The following TRAPPC9 variants were observed in gnomAD, a reference collection of about 807,000 sequenced individuals.
TRAPPC9 encodes IKK2 binding protein.
TRAPPC9 carries 83 observed loss-of-function variants against 124.0 expected under a neutral mutation model. That is an observed-to-expected ratio of 0.67 (90% CI 0.56 to 0.80). The LOEUF (loss-of-function observed/expected upper bound fraction) is 0.80, where lower values mean the gene tolerates loss of function less well. TRAPPC9 is among the 30% of genes least tolerant of loss of function. The pLI is 0.00. For missense variants in TRAPPC9, 1,302 were observed against 1,508.3 expected, an observed-to-expected ratio of 0.86 and a Z score of 2.27; for synonymous variants, 638 against 617.5, an observed-to-expected ratio of 1.03 and a Z score of -0.49.
At chr8:140,085,581 G>A (rs991929082) in intron 17 of TRAPPC9, among the ~76,000 whole-genome samples, 42 of 152,330 alleles carry the variant, frequency 2.8e-4, no homozygotes, top group Middle Eastern at 3.4e-3. Flanking sequence ...CACTGAAGCC[G>A]ACGTGCTGGA....
intron 21 of TRAPPC9, among the ~76,000 whole-genome samples, chr8:139,877,758 G>A (rs991150489): frequency 3.3e-5 from 5 of 152,182 alleles, no homozygotes; most frequent in Admixed American, 6.5e-5. Context: ...GGAACATGAG[G>A]AACATGCTCT....
At chr8:139,798,437 G>C (rs1045399478) in intron 21 of TRAPPC9, among the ~76,000 whole-genome samples, 1 of 152,220 alleles carries the variant, frequency 6.6e-6, no homozygotes, top group Non-Finnish European at 1.5e-5. Flanking sequence ...TGGAGATACT[G>C]GGGACATTGA....
Position 140,281,951 on chromosome 8 carries a change from C to T in TRAPPC9, c.2114+1938G>A, listed in dbSNP as rs12548846. Among the ~76,000 whole-genome samples, 1,020 of 152,264 alleles carry T rather than the reference C, an allele frequency of 6.7e-3. 6 individuals are homozygous for T. Among genetic ancestry groups the T allele is most frequent in the Admixed American group, 0.012 (187 of 15,288 alleles). On this transcript the variant is annotated intron_variant, in intron 14 of 22. Transcript: ENST00000438773. ...ACCTCCCCCAGCACATGGGACCTCC[C>T]GCATCACAGTCCTGACGACAGTGCA...
At chr8:140,041,926 G>A (rs570031498) in intron 17 of TRAPPC9, among the ~76,000 whole-genome samples, 7 of 151,662 alleles carry the variant, frequency 4.6e-5, no homozygotes, top group East Asian at 1.9e-4. Flanking sequence ...AGCTGAGATC[G>A]CACCACTGTA....
At chr8:140,046,988 T>G (rs189660007) in intron 17 of TRAPPC9, among the ~76,000 whole-genome samples, 26 of 152,342 alleles carry the variant, frequency 1.7e-4, no homozygotes, top group Admixed American at 5.2e-4. Context: ...AAGGTTCCCG[T>G]GGCACCTACA....
intron 19 of TRAPPC9, among the ~76,000 whole-genome samples, chr8:139,914,591 G>T (rs531959119): frequency 1.3e-5 from 2 of 152,320 alleles, no homozygotes; most frequent in East Asian, 3.9e-4. Context: ...TCTGTGGAAT[G>T]CAGTCAGTGC....
intron 18 of TRAPPC9, among the ~76,000 whole-genome samples, chr8:140,001,953 A>G (rs1374828943): frequency 6.6e-6 from 1 of 152,196 alleles, no homozygotes; most frequent in Non-Finnish European, 1.5e-5. Context: ...TAAATTAAAC[A>G]TATTGTTTTA....
chr8:140,018,102 C>T (rs544168890), intron 18 of TRAPPC9, among the ~76,000 whole-genome samples: 36 of 152,194 alleles, frequency 2.4e-4, no homozygotes, highest in African/African-American at 8.2e-4. Flanking sequence ...CTCGGCCTCT[C>T]GAAGTGCTGG....
At chr8:140,016,303 T>C (rs954561503) in intron 18 of TRAPPC9, among the ~76,000 whole-genome samples, 2 of 152,194 alleles carry the variant, frequency 1.3e-5, no homozygotes, top group Non-Finnish European at 2.9e-5. Context: ...GTCAGAAAGA[T>C]ATTTTCTCTT....
chr8:140,291,944 T>A (rs2065672969), intron 11 of TRAPPC9, among the ~76,000 whole-genome samples: 1 of 152,192 alleles, frequency 6.6e-6, no homozygotes, highest in Non-Finnish European at 1.5e-5. Context: ...CTTCCCTTAG[T>A]TGAGCCTCCA....
intron 5 of TRAPPC9, among the ~76,000 whole-genome samples, chr8:140,416,310 C>T (rs1163763874): frequency 6.6e-6 from 1 of 152,098 alleles, no homozygotes; most frequent in Non-Finnish European, 1.5e-5. Flanking sequence ...CCCAGAAAGA[C>T]ACAAACTACT....
rs777749463 is a variant in TRAPPC9, at chr8:139,910,209, C to T, written c.2902G>A (p.Glu968Lys). ...AGGCCTCGGGCTTCCCGCCGCTCTT[C>T]CTCCAGCTGCTTGGGGTTTGCAAAT... ...GQFANPKQLE[E>K]ERREARGLEI... Residue 968 changes from glutamate to lysine, a missense_variant, in exon 20 of 23, where the codon GAA becomes AAA. Glu to Lys is a moderately conservative substitution (Grantham distance 56). Coordinates refer to ENST00000438773, the MANE Select transcript of TRAPPC9 (RefSeq NM_001160372.4). 1.9e-5 allele frequency: 30 copies of T among 1,614,084 alleles called. No homozygotes were observed. The highest frequency in any genetic ancestry group is 8.3e-5 in the Admixed American group (5 of 60,004).
intron 9 of TRAPPC9, among the ~76,000 whole-genome samples, chr8:140,336,070 CT>C (rs201017383): frequency 1.6e-3 from 238 of 150,940 alleles, no homozygotes; most frequent in African/African-American, 5.5e-3. Context: ...TTTTAAGAAC[CT>C]TTTTTTTTCA....
chr8:140,257,900 C>T lies in TRAPPC9; in HGVS notation c.2279-4971G>A, dbSNP rs1262008045. 6.6e-6 allele frequency among the ~76,000 whole-genome samples: 1 copy of T among 152,184 alleles called. No homozygotes were observed. On this transcript the variant is annotated intron_variant, in intron 15 of 22. Transcript: ENST00000438773. This position sits in a 1 kb window ranked among gnomAD's most constrained non-coding sequence, Gnocchi z 4.6. ...TGTTTGTAGCTCTCACTGGGATGTG[C>T]ATGTGAGGAGAACTGCATCACTGTC...
chr8:140,125,339 G>A (rs552237383), intron 17 of TRAPPC9, among the ~76,000 whole-genome samples: 82 of 152,306 alleles, frequency 5.4e-4, no homozygotes, highest in African/African-American at 1.9e-3. Flanking sequence ...AGACGGCTGC[G>A]GTGACCCAGG....
At chr8:140,418,185 G>A (rs529128921) in intron 5 of TRAPPC9, among the ~76,000 whole-genome samples, 16 of 152,220 alleles carry the variant, frequency 1.1e-4, no homozygotes, top group Admixed American at 4.6e-4. Context: ...CATTCTGCAC[G>A]TGTATCCCAG....
At chr8:139,831,158 C>G (rs1029056786) in intron 21 of TRAPPC9, among the ~76,000 whole-genome samples, 2 of 152,162 alleles carry the variant, frequency 1.3e-5, no homozygotes, top group South Asian at 4.1e-4. Context: ...CACGCAGGCT[C>G]CACAAGTTCA....
At chr8:140,378,353 C>T (rs1484751818) in intron 7 of TRAPPC9, among the ~76,000 whole-genome samples, 2 of 152,030 alleles carry the variant, frequency 1.3e-5, no homozygotes, top group Non-Finnish European at 2.9e-5. Flanking sequence ...CTGCTGCCAG[C>T]GCAGCTAAGA....
At chr8:139,802,669 C>G (rs1258700224) in intron 21 of TRAPPC9, among the ~76,000 whole-genome samples, 1 of 152,184 alleles carries the variant, frequency 6.6e-6, no homozygotes, top group Non-Finnish European at 1.5e-5. Flanking sequence ...CTCTCTTTTA[C>G]GGGCAAGAGA....
Sources: allele counts gnomAD v4.1 joint callset (sites outside exome capture counted in the v4.1 genomes callset), GRCh38; gene constraint gnomAD v4.1.1; non-coding constraint Gnocchi (gnomAD v3.1); transcripts MANE v1.5; gene names NCBI Gene and HGNC (gene_info 2026-07-23, HGNC 2026-07-21).